BIN1: variants seen among roughly 807,000 people sequenced by gnomAD.
BIN1 encodes the protein bridging integrator 1.
In BIN1, 53 loss-of-function variants were observed where a neutral mutation model predicts 82.0. The observed-to-expected ratio is 0.65, with a 90% CI of 0.52 to 0.81. The LOEUF (loss-of-function observed/expected upper bound fraction) is 0.81. Ranked by LOEUF, BIN1 falls within the 40% of genes least tolerant of loss-of-function variation. The pLI is 0.00. For synonymous variants in BIN1, 302 were observed against 328.0 expected, an observed-to-expected ratio of 0.92 and a Z score of 0.86; for missense variants, 642 against 784.4, an observed-to-expected ratio of 0.82 and a Z score of 2.17.
At chr2:127,072,080 G>C (rs1285533433) in intron 2 of BIN1, among the ~76,000 whole-genome samples, 1 of 152,234 alleles carries the variant, frequency 6.6e-6, no homozygotes, top group Non-Finnish European at 1.5e-5. Context: ...TGCCCTGAAG[G>C]AGGGGCAGCT....
At chr2:127,094,912 T>C (rs558610097) in intron 1 of BIN1, among the ~76,000 whole-genome samples, 3 of 145,894 alleles carry the variant, frequency 2.1e-5, no homozygotes, top group East Asian at 2.0e-4. Context: ...ATTGGGGAGG[T>C]TGACCCCCTC....
At chr2:127,101,003 G>GGGGGC (rs983164651) in intron 1 of BIN1, among the ~76,000 whole-genome samples, 2 of 137,752 alleles carry the variant, frequency 1.5e-5, no homozygotes, top group African/African-American at 5.6e-5. Context: ...AATGTGCGGG[G>GGGGGC]GGTGGGGATA....
intron 16 of BIN1, 35 bp downstream of exon 16, chr2:127,051,119 G>A: frequency 1.2e-6 from 2 of 1,610,852 alleles, no homozygotes; most frequent in Non-Finnish European, 1.7e-6. Context: ...GGGCGGCAGG[G>A]AGGAAAAGGC....
rs1419043777 is a variant in BIN1, at chr2:127,068,407, G to C, written c.520-152C>G. On this transcript the variant is annotated intron_variant, in intron 6 of 18. Transcript: ENST00000316724. This position sits in a 1 kb window ranked among gnomAD's most constrained non-coding sequence, Gnocchi z 4.9. Reference sequence around the variant, plus strand: ...GGGCCCTTGAGGCCGAGAGAATTAGGGGGAGCCCGGGGGGTAAGGAAAGGG... The same window carrying C: ...GGGCCCTTGAGGCCGAGAGAATTAGCGGGAGCCCGGGGGGTAAGGAAAGGG... 1 of 620,994 alleles carries C rather than the reference G, an allele frequency of 1.6e-6. No homozygotes were observed. The highest frequency in any genetic ancestry group is 2.8e-5 in the East Asian group (1 of 35,860). 38.5% of individuals were successfully genotyped at this position (620,994 alleles called of 1,614,324 possible).
In BIN1 at chr2:127,051,384, T is replaced by A. The variant is rs999554890; in HGVS notation, c.1372-141A>T. 5 of 837,874 alleles carry A rather than the reference T, an allele frequency of 6.0e-6. No homozygotes were observed. In the Admixed American group the frequency reaches 1.0e-4, roughly 17 times the overall value. The allele number at this position is 837,874 out of a possible 1,614,324, so 51.9% of individuals were successfully genotyped here. A position where few individuals can be genotyped will look rare whatever the true frequency, so the allele number is the denominator to read the frequency against. ...GGCAGCAGGGTCTAGAGCTGCCCAG[T>A]GCCTCGAAGAATCCAGGGAGCCTCT... On this transcript the variant is annotated intron_variant, in intron 15 of 18. Transcript: ENST00000316724.
At chr2:127,071,364 C>G (rs1313447527) in intron 2 of BIN1, among the ~76,000 whole-genome samples, 1 of 152,188 alleles carries the variant, frequency 6.6e-6, no homozygotes, top group Non-Finnish European at 1.5e-5. Flanking sequence ...GCGGAAGAGA[C>G]GGCACTACAG....
At chr2:127,104,625 A>G (rs765581794) in intron 1 of BIN1, among the ~76,000 whole-genome samples, 76 of 152,316 alleles carry the variant, frequency 5.0e-4, no homozygotes, top group Middle Eastern at 3.4e-3. Flanking sequence ...CAAGGTAGGT[A>G]TAGTGGTGGG....
chr2:127,097,057 G>A (rs13388170), intron 1 of BIN1, among the ~76,000 whole-genome samples: 60,293 of 151,924 alleles, frequency 0.4, 12,187 homozygotes, highest in Middle Eastern at 0.49. Context: ...TCACGTTACC[G>A]TGCCCACTCC....
At chr2:127,074,776 C>A (rs1686374368) in intron 2 of BIN1, among the ~76,000 whole-genome samples, 1 of 152,204 alleles carries the variant, frequency 6.6e-6, no homozygotes, top group Admixed American at 6.5e-5. Context: ...GATCTCGGCC[C>A]ACCGCAACCT....
chr2:127,103,838 G>T (rs370471591), intron 1 of BIN1, among the ~76,000 whole-genome samples: 1 of 152,238 alleles, frequency 6.6e-6, no homozygotes, highest in Non-Finnish European at 1.5e-5. Context: ...TAGAGGGTTC[G>T]ACAAGCCAAA....
chr2:127,087,082 T>C lies in BIN1; in HGVS notation c.85-10376A>G, dbSNP rs1443471177. ...AAATACTGGTGAGAGCAAAAAGTGG[T>C]GTTGGGTTTTCTCTTTTACATCCTT... On this transcript the variant is annotated intron_variant, in intron 1 of 18. Coordinates refer to ENST00000316724, the MANE Select transcript of BIN1 (RefSeq NM_139343.3). 4.6e-5 allele frequency among the ~76,000 whole-genome samples: 7 copies of C among 152,328 alleles called. No homozygotes were observed. The East Asian group carries it at 1.4e-3, about 29-fold the overall frequency.
At chr2:127,053,746 G>A (rs1683270830) in intron 13 of BIN1, 159 bp downstream of exon 13, 1 of 758,568 alleles carries the variant, frequency 1.3e-6, no homozygotes, top group Non-Finnish European at 2.2e-6. Flanking sequence ...GCTGCTTCCT[G>A]CCCTACAACC....
At chr2:127,051,366 G>T in intron 15 of BIN1, 123 bp from the exon 16 acceptor site, 1 of 987,036 alleles carries the variant, frequency 1.0e-6, no homozygotes, top group Non-Finnish European at 1.6e-6. Flanking sequence ...GCTGGCAGCA[G>T]GGTCTAGAGC....
intron 1 of BIN1, among the ~76,000 whole-genome samples, chr2:127,097,010 C>G (rs1440641231): frequency 6.6e-6 from 1 of 151,996 alleles, no homozygotes; most frequent in Non-Finnish European, 1.5e-5. Flanking sequence ...AGACACTGCC[C>G]CCATCTCCAT....
At position 127,097,386 on chromosome 2, in the gene BIN1, G is replaced by C. The variant is rs928512600; in HGVS notation, c.84+9474C>G. The stretch of plus-strand genomic sequence containing the variant: ...CACTCCTCCAGGCCCAGCAGCGTCA[G>C]CCCTCCAGGCCCAGCAGCGTCACCC... On this transcript the variant is annotated intron_variant, in intron 1 of 18. Transcript: ENST00000316724. Among the ~76,000 whole-genome samples the C allele has an allele frequency of 4.7e-5, 7 of 149,732 alleles. 2 individuals carry two copies. The highest frequency in any genetic ancestry group is 3.0e-5 in the Non-Finnish European group (2 of 67,088).
intron 9 of BIN1, 108 bp from the exon 10 acceptor site, chr2:127,062,305 C>T: frequency 9.0e-7 from 1 of 1,108,798 alleles, no homozygotes; most frequent in South Asian, 1.4e-5. Flanking sequence ...CTGCCAGGAA[C>T]AAGCTCCTCT....
chr2:127,092,827 G>T (rs1679108906), intron 1 of BIN1, among the ~76,000 whole-genome samples: 3 of 152,202 alleles, frequency 2.0e-5, no homozygotes, highest in Admixed American at 2.0e-4. Context: ...AGAGAGGACA[G>T]AGGTCCCAGA....
rs539269969 is a variant in BIN1 at position 127,067,367 on chromosome 2, A to C, written c.612+796T>G. On this transcript the variant is annotated intron_variant, in intron 7 of 18. Coordinates refer to ENST00000316724, the MANE Select transcript of BIN1 (RefSeq NM_139343.3). This position sits in a 1 kb window ranked among gnomAD's most constrained non-coding sequence, Gnocchi z 4.7. ...CCACCTCTCACAGGGCACTGCATCC[A>C]GTGGTCCCTGGCCACACTGTAACCC... 3.9e-4 allele frequency among the ~76,000 whole-genome samples: 60 copies of C among 152,344 alleles called. 1 individual carries two copies. The South Asian group carries it at 8.9e-3, about 23-fold the overall frequency.
chr2:127,063,833 C>T, intron 8 of BIN1, 100 bp downstream of exon 8: 1 of 1,518,770 alleles, frequency 6.6e-7, no homozygotes, highest in South Asian at 1.1e-5. Context: ...AGACTGGACA[C>T]CGCAGCACGC....
Sources: gnomAD v4.1 joint callset for allele counts (sites outside exome capture counted in the v4.1 genomes callset) on GRCh38, gnomAD v4.1.1 for gene constraint, Gnocchi (gnomAD v3.1) non-coding constraint, MANE v1.5 for transcripts, NCBI Gene and HGNC (gene_info 2026-07-23, HGNC 2026-07-21) for gene names.